TRDMT1: variants seen among roughly 807,000 people sequenced by gnomAD.
TRDMT1 encodes tRNA (cytosine(38)-C(5))-methyltransferase.
In TRDMT1, 49 loss-of-function variants were observed where a neutral mutation model predicts 51.2. The observed-to-expected ratio is 0.96, with a 90% CI of 0.76 to 1.21. The LOEUF (loss-of-function observed/expected upper bound fraction) is 1.21. Among genes scored for constraint, TRDMT1 ranks in the 50% most tolerant of loss-of-function variants. The pLI, the probability that TRDMT1 is intolerant of heterozygous loss-of-function variation, is 0.00. For missense variants in TRDMT1, 534 were observed against 462.3 expected (o/e 1.16, Z -1.42); for synonymous variants, 187 against 164.6 (o/e 1.14, Z -1.04).
At chr10:17,159,767 A>C (rs1840051630) in intron 6 of TRDMT1, among the ~76,000 whole-genome samples, 1 of 152,200 alleles carries the variant, frequency 6.6e-6, no homozygotes, top group Non-Finnish European at 1.5e-5. Context: ...AAAGATGACA[A>C]GAAACTAACA....
chr10:17,151,024 T>C, intron 10 of TRDMT1: 4 of 965,518 alleles, frequency 4.1e-6, no homozygotes, highest in South Asian at 4.8e-5. Context: ...TGTGTGTGCG[T>C]GCATCTGTGC....
intron 10 of TRDMT1, chr10:17,151,644 T>C: frequency 1.0e-6 from 1 of 971,160 alleles, no homozygotes. Context: ...CTAAGTATTA[T>C]ACATATATAT....
Position 17,146,951 on chromosome 10 carries a change from G to T in TRDMT1, c.*2089C>A, listed in dbSNP as rs555717534. On this transcript the variant is annotated 3_prime_UTR_variant, in exon 11 of 11. Coordinates refer to ENST00000377799, the MANE Select transcript of TRDMT1 (RefSeq NM_004412.7). ...TTATGAATTAAGGGCAAGAATCACC[G>T]TCTTCCTGTGAATACATTCCCATAA... The T allele has an allele frequency of 1.0e-6, 1 of 985,240 alleles. No homozygotes were observed. The highest frequency in any genetic ancestry group is 1.7e-5 in the African/African-American group (1 of 57,214). The allele number at this position is 985,240 out of a possible 1,614,324, so 61.0% of individuals were successfully genotyped here.
rs1837840761 is a variant in TRDMT1 at position 17,143,402 on chromosome 10, C to T, written c.*5638G>A. ...TAACAGCTATTCAGCTTATTGTCTA[C>T]TCATTCATAGGATCAGCTCTTAAAT... is the stretch of plus-strand genomic sequence containing the variant. On this transcript the variant is annotated 3_prime_UTR_variant, in exon 11 of 11. Transcript: ENST00000377799. 7.1e-6 allele frequency: 7 copies of T among 985,310 alleles called. No individual in the cohort carries two copies. The South Asian group carries it at 1.9e-4, about 26-fold the overall frequency. 61.0% of individuals were successfully genotyped at this position (985,310 alleles called of 1,614,324 possible).
At chr10:17,192,168 T>A (rs7075787) in intron 1 of TRDMT1, among the ~76,000 whole-genome samples, 4 of 151,928 alleles carry the variant, frequency 2.6e-5, no homozygotes, top group Admixed American at 2.0e-4. Context: ...AAATATAGTC[T>A]GAAGGTAAAG....
At chr10:17,183,312 G>A (rs142664936) in intron 1 of TRDMT1, among the ~76,000 whole-genome samples, 164 of 152,316 alleles carry the variant, frequency 1.1e-3, no homozygotes, top group African/African-American at 3.8e-3. Flanking sequence ...AATATCAACA[G>A]AGGCTATCCC....
At chr10:17,169,852 T>G (rs1282594575) in intron 2 of TRDMT1, among the ~76,000 whole-genome samples, 3 of 152,144 alleles carry the variant, frequency 2.0e-5, no homozygotes, top group African/African-American at 7.2e-5. Context: ...TCTGTGAAAA[T>G]GAAATCAAAA....
At chr10:17,194,697 AC>A (rs1845143969) in intron 1 of TRDMT1, among the ~76,000 whole-genome samples, 1 of 152,112 alleles carries the variant, frequency 6.6e-6, no homozygotes, top group South Asian at 2.1e-4. Context: ...CTTTGGGAGA[AC>A]GAGGCAGGTG....
chr10:17,186,583 C>G (rs1387248888), intron 1 of TRDMT1, among the ~76,000 whole-genome samples: 1 of 152,138 alleles, frequency 6.6e-6, no homozygotes, highest in Non-Finnish European at 1.5e-5. Flanking sequence ...CTGTTGATAA[C>G]TTGATTTTAA....
At chr10:17,155,967 C>A (rs1839437641) in intron 8 of TRDMT1, among the ~76,000 whole-genome samples, 1 of 152,074 alleles carries the variant, frequency 6.6e-6, no homozygotes, top group Non-Finnish European at 1.5e-5. Context: ...TAAACAGAAC[C>A]TATTGAACTT....
intron 1 of TRDMT1, among the ~76,000 whole-genome samples, chr10:17,185,495 T>G (rs1843760840): frequency 6.6e-6 from 1 of 152,216 alleles, no homozygotes; most frequent in South Asian, 2.1e-4. Flanking sequence ...GTTCAACCAT[T>G]GTGGGAGTTG....
Position 17,144,708 on chromosome 10 carries a change from T to A in TRDMT1, c.*4332A>T. 2 of 985,412 alleles carry A rather than the reference T, an allele frequency of 2.0e-6. No individual in the cohort carries two copies. The highest frequency in any genetic ancestry group is 1.2e-6 in the Non-Finnish European group (1 of 829,930). The allele number at this position is 985,412 out of a possible 1,614,324, so 61.0% of individuals were successfully genotyped here. On this transcript the variant is annotated 3_prime_UTR_variant, in exon 11 of 11. Transcript: ENST00000377799. ...GACATGAATGGTGATGGAGTTTGGA[T>A]CTTGATTGTGTAAGATTTTGAAGAG... is the stretch of plus-strand genomic sequence containing the variant.
chr10:17,174,002 A>T (rs1283722498), intron 2 of TRDMT1, among the ~76,000 whole-genome samples: 1 of 152,124 alleles, frequency 6.6e-6, no homozygotes, highest in Non-Finnish European at 1.5e-5. Context: ...TAACTTCGTG[A>T]TCCACCTGTC....
Position 17,142,824 on chromosome 10 carries a change from T to C in TRDMT1, c.*6216A>G, listed in dbSNP as rs1588678495. Reference sequence around the variant, plus strand: ...GTTGTTCCTCTAGTCTTGGGGTCCCTCCGCAGTGTGTCTTCCTGGTCCCAC... The same window carrying C: ...GTTGTTCCTCTAGTCTTGGGGTCCCCCCGCAGTGTGTCTTCCTGGTCCCAC... On this transcript the variant is annotated 3_prime_UTR_variant, in exon 11 of 11. Transcript: ENST00000377799. The C allele has an allele frequency of 3.5e-6, 1 of 287,648 alleles. No homozygotes were observed. 17.8% of individuals were successfully genotyped at this position (287,648 alleles called of 1,614,324 possible). A position where few individuals can be genotyped will look rare whatever the true frequency, so the allele number is the denominator to read the frequency against.
chr10:17,201,372 CAGG>C (rs770034543), intron 1 of TRDMT1, 196 bp downstream of exon 1: 8 of 530,086 alleles, frequency 1.5e-5, no homozygotes, highest in South Asian at 5.5e-5. Flanking sequence ...GACTCGGCGC[CAGG>C]AGAAGGGAGT....
At chr10:17,199,082 C>G (rs1002268177) in intron 1 of TRDMT1, among the ~76,000 whole-genome samples, 3 of 152,156 alleles carry the variant, frequency 2.0e-5, no homozygotes, top group African/African-American at 4.8e-5. Flanking sequence ...CTAAAGTTAG[C>G]TGCTGTTATT....
intron 2 of TRDMT1, chr10:17,171,646 A>C (rs1842039963): frequency 6.6e-6 from 1 of 152,192 alleles, no homozygotes; most frequent in Non-Finnish European, 1.5e-5. Context: ...AAAAATTGAT[A>C]GTTTCATTTA....
rs1841606131 is a variant in TRDMT1 at position 17,168,991 on chromosome 10, C to A, written c.175-74G>T. ...GAATGGGGAAGAGGGAAAATACTAA[C>A]TATAATTAAATATATCAGAAACTGA... On this transcript the variant is annotated intron_variant, in intron 2 of 10. Transcript: ENST00000377799. 8 of 944,206 alleles carry A rather than the reference C, an allele frequency of 8.5e-6. No individual in the cohort carries two copies. In the Admixed American group the frequency reaches 2.3e-4, roughly 27 times the overall value. The allele number at this position is 944,206 out of a possible 1,614,324, so 58.5% of individuals were successfully genotyped here. A position where few individuals can be genotyped will look rare whatever the true frequency, so the allele number is the denominator to read the frequency against.
intron 1 of TRDMT1, among the ~76,000 whole-genome samples, chr10:17,174,930 C>T (rs1455458091): frequency 2.0e-5 from 3 of 152,124 alleles, no homozygotes; most frequent in African/African-American, 7.2e-5. Flanking sequence ...TGCTTTCCTC[C>T]CTCATTAAGA....
Sources: gnomAD v4.1 joint callset for allele counts (sites outside exome capture counted in the v4.1 genomes callset) on GRCh38, gnomAD v4.1.1 for gene constraint, MANE v1.5 for transcripts, NCBI Gene and HGNC (gene_info 2026-07-23, HGNC 2026-07-21) for gene names.